Variants in DYNC2I1 observed in about 807,000 individuals in gnomAD.
DYNC2I1 encodes the protein dynein 2 intermediate chain 1.
A neutral mutation model predicts 133.4 loss-of-function variants in DYNC2I1; 89 were observed. The ratio of observed to expected loss-of-function variants is 0.67; its 90% CI spans 0.56 to 0.80. The LOEUF (loss-of-function observed/expected upper bound fraction) is 0.80, where lower values mean the gene tolerates loss of function less well. DYNC2I1 is among the 30% of genes least tolerant of loss of function. DYNC2I1 has a pLI of 0.00. For missense variants in DYNC2I1, 1,291 were observed against 1,314.5 expected (o/e 0.98, Z 0.28); for synonymous variants, 504 against 484.3 (o/e 1.04, Z -0.54).
In DYNC2I1 at chr7:158,926,234, G is replaced by A. The variant is rs193204571; in HGVS notation, c.2305G>A (p.Glu769Lys). The change falls in exon 18 of 25, where the codon GAA (glutamate) becomes AAA (lysine). Residue 769 changes from glutamate to lysine, a missense_variant. Coordinates refer to ENST00000407559, the MANE Select transcript of DYNC2I1 (RefSeq NM_018051.5). ...VNHRSPLQAV[E>K]PISTSVHKKQ... Reference sequence around the variant, plus strand: ...CCACCGAAGCCCTCTTCAAGCAGTAGAACCTATCTCAACGTCCGTCCACAA... The same window carrying A: ...CCACCGAAGCCCTCTTCAAGCAGTAAAACCTATCTCAACGTCCGTCCACAA... 9 of 1,613,652 alleles carry A rather than the reference G, an allele frequency of 5.6e-6. No individual in the cohort carries two copies. In the Admixed American group the frequency reaches 1.5e-4, roughly 27 times the overall value.
chr7:158,886,028 A>G (rs1172859832), intron 6 of DYNC2I1, among the ~76,000 whole-genome samples: 2 of 148,778 alleles, frequency 1.3e-5, no homozygotes, highest in Non-Finnish European at 3.0e-5. Flanking sequence ...TTTATTTTAT[A>G]TTACATATTA....
rs41271220 is a variant in DYNC2I1, at chr7:158,918,748, C to T, written c.1800C>T (p.Ala600=). ...TCACTTATGTCTGACAGGTGATGGC[C>T]GTTTTGCTGGAAGAGGATCGCTTGG... ...SFLRAACQVM[A]VLLEEDRLAA... The change falls in exon 15 of 25, where the codon GCC becomes GCT. Residue 600 remains alanine, a synonymous_variant. Coordinates refer to ENST00000407559, the MANE Select transcript of DYNC2I1 (RefSeq NM_018051.5). The T allele has an allele frequency of 0.018, 29,453 of 1,613,468 alleles. 348 individuals are homozygous for T. The highest frequency in any genetic ancestry group is 0.022 in the Non-Finnish European group (26,509 of 1,179,658).
At chr7:158,840,989 A>C in the DYNC2I1 span, among the ~76,000 whole-genome samples, 2 of 151,956 alleles carry the variant, frequency 1.3e-5, no homozygotes, top group Non-Finnish European at 2.9e-5. Context: ...ATGCAATTAC[A>C]GCATGCTTTC....
downstream of DYNC2I1, among the ~76,000 whole-genome samples, chr7:158,958,135 A>G (rs879698884): frequency 7.9e-6 from 1 of 127,328 alleles, no homozygotes; most frequent in South Asian, 2.6e-4. Flanking sequence ...TCAGCCACAG[A>G]CACGCCCCAG....
At position 158,867,490 on chromosome 7, in the gene DYNC2I1, G is replaced by A. The variant is rs572609870; in HGVS notation, c.16-2365G>A. Among the ~76,000 whole-genome samples, 213 of 152,360 alleles carry A rather than the reference G, an allele frequency of 1.4e-3. 1 individual carries two copies. Among genetic ancestry groups the A allele is most frequent in the Non-Finnish European group, 2.5e-3 (173 of 68,032 alleles). ...CGGGGAGACCAGCGCGGATCTTGTAGGAATCACTATCGCGAGGGTTGCCAG... is the reference window on the plus strand; with the variant it reads ...CGGGGAGACCAGCGCGGATCTTGTAAGAATCACTATCGCGAGGGTTGCCAG... On this transcript the variant is annotated intron_variant, in intron 1 of 24. Coordinates refer to ENST00000407559, the MANE Select transcript of DYNC2I1 (RefSeq NM_018051.5).
At chr7:158,885,910 A>G (rs1390003945) in intron 6 of DYNC2I1, among the ~76,000 whole-genome samples, 1 of 152,062 alleles carries the variant, frequency 6.6e-6, no homozygotes, top group East Asian at 1.9e-4. Flanking sequence ...TTAAAAATTG[A>G]GAATCAGTTT....
chr7:158,934,111 G>A lies in DYNC2I1; in HGVS notation c.2547-18G>A, dbSNP rs754734707. On this transcript the variant is annotated intron_variant, in intron 21 of 24. Coordinates refer to ENST00000407559, the MANE Select transcript of DYNC2I1 (RefSeq NM_018051.5). ...TGGAAACAGTCCATCTGTTCATTTT[G>A]TTACTTTATTTTTTCAGTCTTTCCC... 3.8e-6 allele frequency: 6 copies of A among 1,565,470 alleles called. No homozygotes were observed. In the African/African-American group the frequency reaches 8.2e-5, roughly 21 times the overall value.
chr7:158,898,412 C>A (rs1212871451), intron 8 of DYNC2I1, among the ~76,000 whole-genome samples: 1 of 152,146 alleles, frequency 6.6e-6, no homozygotes, highest in African/African-American at 2.4e-5. Context: ...AATAATTTGA[C>A]CCTCACACAT....
rs1847476233 is a variant in DYNC2I1, at chr7:158,911,527, CTTG to C, written c.1461-20_1461-18del. The C allele has an allele frequency of 6.2e-7, 1 of 1,607,446 alleles. No homozygotes were observed. The highest frequency in any genetic ancestry group is 1.7e-5 in the Admixed American group (1 of 58,582). ...GTATATTATTCGAGTTAATTTTTGT[CTTG>C]TTTCCAATTTATTTCAAAGGATGCG... On this transcript the variant is annotated intron_variant, in intron 11 of 24. Transcript: ENST00000407559.
chr7:158,942,221 C>G, intron 24 of DYNC2I1, 73 bp downstream of exon 24: 1 of 1,238,130 alleles, frequency 8.1e-7, no homozygotes, highest in Non-Finnish European at 1.1e-6. Flanking sequence ...TACGGTCTTT[C>G]TTCATTAATT....
At chr7:158,878,104 C>CTG (rs1225057859) in intron 4 of DYNC2I1, among the ~76,000 whole-genome samples, 2 of 129,660 alleles carry the variant, frequency 1.5e-5, no homozygotes, top group African/African-American at 3.0e-5. Flanking sequence ...GAGTGCTGGG[C>CTG]ATCATGTGGG....
intron 12 of DYNC2I1, among the ~76,000 whole-genome samples, chr7:158,912,215 G>A (rs1847549820): frequency 6.6e-6 from 1 of 152,122 alleles, no homozygotes; most frequent in Non-Finnish European, 1.5e-5. Context: ...ACTATTTCAT[G>A]CAATTTTGTA....
At chr7:158,850,117 G>A in the DYNC2I1 span, among the ~76,000 whole-genome samples, 1 of 152,254 alleles carries the variant, frequency 6.6e-6, no homozygotes, top group South Asian at 2.1e-4. Flanking sequence ...CAGAGCTGGG[G>A]AGTGGGGAGG....
rs1163241733 is a variant in DYNC2I1 at position 158,945,288 on chromosome 7, T to C, written c.3003-293T>C. 6.6e-6 allele frequency among the ~76,000 whole-genome samples: 1 copy of C among 152,132 alleles called. No homozygotes were observed. The highest frequency in any genetic ancestry group is 1.5e-5 in the Non-Finnish European group (1 of 68,014). ...TAGATGGGCCTGCCTGTGCTGCTGA[T>C]GGCCCCCACCTTCTCCAGGGACCTG... On this transcript the variant is annotated intron_variant, in intron 24 of 24. Transcript: ENST00000407559. This position sits in a 1 kb window ranked among gnomAD's most constrained non-coding sequence, Gnocchi z 4.1.
rs114512219 is a variant in DYNC2I1, at chr7:158,905,434, T to C, written c.1358-555T>C. Among the ~76,000 whole-genome samples, 1,033 of 152,314 alleles carry C rather than the reference T, an allele frequency of 6.8e-3. 8 individuals are homozygous for C. Among genetic ancestry groups the C allele is most frequent in the African/African-American group, 0.023 (976 of 41,566 alleles). ...GGGATTACAGGCATGAGCCATCGTA[T>C]CTGGCCAAGTTGTTCATTCTTATAT... On this transcript the variant is annotated intron_variant, in intron 10 of 24. Transcript: ENST00000407559.
At chr7:158,856,778 G>C in intron 1 of DYNC2I1, 28 bp downstream of exon 1, 2 of 1,233,838 alleles carry the variant, frequency 1.6e-6, no homozygotes, top group Non-Finnish European at 2.0e-6. Flanking sequence ...TCTGGGCGAG[G>C]GGTGGTCGAG....
At chr7:158,887,870 G>A (rs540624587) in intron 7 of DYNC2I1, among the ~76,000 whole-genome samples, 22 of 152,198 alleles carry the variant, frequency 1.4e-4, no homozygotes, top group African/African-American at 4.8e-4. Flanking sequence ...ACCCTGTGCT[G>A]AGCTTGTCAA....
chr7:158,882,042 A>G (rs903346768), intron 5 of DYNC2I1, among the ~76,000 whole-genome samples: 2 of 152,194 alleles, frequency 1.3e-5, no homozygotes, highest in Non-Finnish European at 2.9e-5. Context: ...AATGTGAAAA[A>G]TGGTCGATGA....
chr7:158,842,726 A>T, the DYNC2I1 span, among the ~76,000 whole-genome samples: 2 of 152,250 alleles, frequency 1.3e-5, no homozygotes, highest in African/African-American at 4.8e-5. Context: ...AGAAAGGTTT[A>T]TTGATTCTGC....
Sources: allele counts gnomAD v4.1 joint callset (sites outside exome capture counted in the v4.1 genomes callset), GRCh38; gene constraint gnomAD v4.1.1; non-coding constraint Gnocchi (gnomAD v3.1); transcripts MANE v1.5; gene names NCBI Gene and HGNC (gene_info 2026-07-23, HGNC 2026-07-21).